TVP23A: variants seen among roughly 807,000 people sequenced by gnomAD.
The protein encoded by TVP23A is trans-golgi network vesicle protein 23 homolog A.
Under a neutral mutation model 31.7 loss-of-function variants are expected in TVP23A, and 21 were observed. The observed-to-expected ratio is 0.66, with a 90% confidence interval of 0.47 to 0.95. TVP23A has a LOEUF of 0.95. Ranked by LOEUF, TVP23A falls within the 40% of genes least tolerant of loss-of-function variation. The probability of loss-of-function intolerance (pLI) is 0.00; values close to 1 mark genes in which losing one functional copy is unlikely to be tolerated. For missense variants in TVP23A, 279 were observed against 255.6 expected, an observed-to-expected ratio of 1.09 and a Z score of -0.62; for synonymous variants, 104 against 96.0, an observed-to-expected ratio of 1.08 and a Z score of -0.49.
exon 9 of TVP23A, chr16:10,761,328 T>G (rs770830312): frequency 6.3e-7 from 1 of 1,594,900 alleles, no homozygotes; most frequent in Non-Finnish European, 8.6e-7. Flanking sequence ...TTCTCGCACT[T>G]TGATGCTGGA....
rs2033323963 is a variant in TVP23A at position 10,795,273 on chromosome 16, CAG to C, written c.90-20179_90-20178del. Reference sequence around the variant, plus strand: ...ATGCTTTTTTTTTTTTTTTTAAAGACAGAGTCTCGCTCTGTTGCCCAGACTGG... The same window carrying C: ...ATGCTTTTTTTTTTTTTTTTAAAGACAGTCTCGCTCTGTTGCCCAGACTGG... On this transcript the variant is annotated intron_variant, in intron 2 of 7. Coordinates refer to ENST00000299866, the MANE Select transcript of TVP23A (RefSeq NM_001079512.4). Among the ~76,000 whole-genome samples, 3 of 146,622 alleles carry C rather than the reference CAG, an allele frequency of 2.0e-5. No individual in the cohort carries two copies. In the South Asian group the frequency reaches 6.5e-4, roughly 32 times the overall value.
intron 2 of TVP23A, among the ~76,000 whole-genome samples, chr16:10,803,541 C>T (rs1049991004): frequency 1.1e-4 from 17 of 152,056 alleles, no homozygotes; most frequent in African/African-American, 4.1e-4. Context: ...TAAACAGAGT[C>T]ACAATCAAAA....
At chr16:10,774,920 G>C in intron 3 of TVP23A, 32 bp downstream of exon 3, 1 of 1,597,070 alleles carries the variant, frequency 6.3e-7, no homozygotes, top group Non-Finnish European at 8.6e-7. Context: ...CTCGTGTTTC[G>C]GAAGTGATGA....
chr16:10,785,752 C>T (rs1369923342), intron 2 of TVP23A, among the ~76,000 whole-genome samples: 1 of 152,198 alleles, frequency 6.6e-6, no homozygotes, highest in African/African-American at 2.4e-5. Context: ...TTCCAGGCAT[C>T]TGCTTCTCAG....
chr16:10,800,547 A>G (rs1334556255), intron 2 of TVP23A, among the ~76,000 whole-genome samples: 1 of 152,240 alleles, frequency 6.6e-6, no homozygotes, highest in African/African-American at 2.4e-5. Context: ...GGTAAACCCT[A>G]ACTCAGTGGT....
At chr16:10,782,341 C>G (rs2032477279) in intron 2 of TVP23A, among the ~76,000 whole-genome samples, 1 of 152,200 alleles carries the variant, frequency 6.6e-6, no homozygotes, top group African/African-American at 2.4e-5. Flanking sequence ...GTCAGCTCCT[C>G]TCTTGCTGGC....
chr16:10,782,346 G>A (rs898967135), intron 2 of TVP23A, among the ~76,000 whole-genome samples: 2 of 152,106 alleles, frequency 1.3e-5, no homozygotes, highest in Admixed American at 6.6e-5. Flanking sequence ...CTCCTCTCTT[G>A]CTGGCCTGCC....
chr16:10,791,278 AG>A (rs1466792419), intron 2 of TVP23A, among the ~76,000 whole-genome samples: 10 of 152,198 alleles, frequency 6.6e-5, no homozygotes, highest in Non-Finnish European at 1.3e-4. Flanking sequence ...AAAAATAAGT[AG>A]GGTGTTGCTA....
intron 2 of TVP23A, among the ~76,000 whole-genome samples, chr16:10,791,176 C>G (rs960490598): frequency 6.6e-6 from 1 of 152,140 alleles, no homozygotes; most frequent in East Asian, 1.9e-4. Flanking sequence ...TAATAGTCAA[C>G]ATTTTTGAGA....
intron 2 of TVP23A, among the ~76,000 whole-genome samples, chr16:10,817,106 G>A (rs577866480): frequency 2.1e-4 from 32 of 152,294 alleles, no homozygotes; most frequent in South Asian, 1.7e-3. Context: ...TAATTCTTCC[G>A]AAGGGAGTGT....
At chr16:10,758,897 G>A (rs1055524469), downstream of TVP23A, among the ~76,000 whole-genome samples, 7 of 152,218 alleles carry the variant, frequency 4.6e-5, no homozygotes, top group Non-Finnish European at 7.3e-5. Context: ...GAGCTGAGAG[G>A]AGAGCGATAG....
At chr16:10,776,379 A>C (rs2142908270) in intron 2 of TVP23A, among the ~76,000 whole-genome samples, 1 of 151,916 alleles carries the variant, frequency 6.6e-6, no homozygotes, top group Non-Finnish European at 1.5e-5. Flanking sequence ...CAACTCAAAA[A>C]ATAAAAAAAT....
At chr16:10,761,502 G>A (rs761553476) in exon 9 of TVP23A, 26 of 1,566,570 alleles carry the variant, frequency 1.7e-5, no homozygotes, top group Non-Finnish European at 2.1e-5. Context: ...TGCCAGGCGA[G>A]CAAGATCTTG....
At chr16:10,780,125 GAATAA>G (rs976054664) in intron 2 of TVP23A, among the ~76,000 whole-genome samples, 45 of 128,646 alleles carry the variant, frequency 3.5e-4, no homozygotes, top group African/African-American at 1.2e-3. Flanking sequence ...ATGAATGAAT[GAATAA>G]AATAAAATAA....
At chr16:10,774,803 G>T (rs571767698) in intron 3 of TVP23A, 149 bp downstream of exon 3, 52 of 674,988 alleles carry the variant, frequency 7.7e-5, no homozygotes, top group Non-Finnish European at 1.2e-4. Flanking sequence ...TAGAGACGGG[G>T]TTTCTCCATT....
At chr16:10,761,720 A>G, downstream of TVP23A, 1 of 1,557,824 alleles carries the variant, frequency 6.4e-7, no homozygotes, top group Admixed American at 1.8e-5. Context: ...ATTCTGCAAA[A>G]AAATTATGTT....
intron 2 of TVP23A, among the ~76,000 whole-genome samples, chr16:10,797,243 A>G (rs1167086894): frequency 6.6e-6 from 1 of 152,104 alleles, no homozygotes; most frequent in Non-Finnish European, 1.5e-5. Context: ...ATTTTTAAAA[A>G]TGAATCTTGG....
At chr16:10,763,993 C>G (rs2030434329), downstream of TVP23A, among the ~76,000 whole-genome samples, 1 of 151,834 alleles carries the variant, frequency 6.6e-6, no homozygotes, top group Admixed American at 6.6e-5. Flanking sequence ...AGCATCCCAA[C>G]TCAAAGGAGC....
intron 2 of TVP23A, among the ~76,000 whole-genome samples, chr16:10,788,804 G>C (rs1304329532): frequency 6.6e-6 from 1 of 152,176 alleles, no homozygotes; most frequent in Non-Finnish European, 1.5e-5. Context: ...AGAGTAGCTA[G>C]TAGGAGTGGG....
Sources: allele counts gnomAD v4.1 joint callset (sites outside exome capture counted in the v4.1 genomes callset), GRCh38; gene constraint gnomAD v4.1.1; transcripts MANE v1.5; gene names NCBI Gene and HGNC (gene_info 2026-07-23, HGNC 2026-07-21).